PRKG1: variants seen among roughly 807,000 people sequenced by gnomAD.
PRKG1 encodes cGMP-dependent protein kinase 1.
A neutral mutation model predicts 88.1 loss-of-function variants in PRKG1; 35 were observed. The ratio of observed to expected loss-of-function variants is 0.40; its 90% CI spans 0.30 to 0.53. PRKG1 has a LOEUF of 0.53. Ranked by LOEUF, PRKG1 falls within the 20% of genes least tolerant of loss-of-function variation. The pLI, the probability that PRKG1 is intolerant of heterozygous loss-of-function variation, is 0.59. For missense variants in PRKG1, 540 were observed against 839.8 expected (o/e 0.64, Z 4.41); for synonymous variants, 303 against 292.5 (o/e 1.04, Z -0.37).
At chr10:51,604,438 A>AGCC (rs1442819550) in intron 3 of PRKG1, among the ~76,000 whole-genome samples, 1 of 152,206 alleles carries the variant, frequency 6.6e-6, no homozygotes, top group African/African-American at 2.4e-5. Context: ...ACTAATAATT[A>AGCC]TCTATGTATT....
At chr10:52,004,412 G>A (rs1216328039) in intron 5 of PRKG1, among the ~76,000 whole-genome samples, 5 of 152,104 alleles carry the variant, frequency 3.3e-5, no homozygotes, top group African/African-American at 1.2e-4. Context: ...AAGATGATAA[G>A]ACAACACTAA....
At chr10:51,664,622 C>G (rs976928791) in intron 3 of PRKG1, among the ~76,000 whole-genome samples, 3 of 152,064 alleles carry the variant, frequency 2.0e-5, no homozygotes, top group Non-Finnish European at 4.4e-5. Context: ...TCTTAGCAGT[C>G]CAGATACTGA....
chr10:52,012,220 T>G (rs1317879557), intron 5 of PRKG1, among the ~76,000 whole-genome samples: 1 of 151,254 alleles, frequency 6.6e-6, no homozygotes, highest in Non-Finnish European at 1.5e-5. Flanking sequence ...TTTTTTTCCA[T>G]GTTCTTTTTG....
At chr10:51,950,137 A>T (rs778080519) in intron 5 of PRKG1, among the ~76,000 whole-genome samples, 3 of 152,154 alleles carry the variant, frequency 2.0e-5, no homozygotes, top group Non-Finnish European at 4.4e-5. Flanking sequence ...AGTATGTAAG[A>T]CTCTCTAGGC....
chr10:51,478,662 T>G (rs1269260280), intron 3 of PRKG1, among the ~76,000 whole-genome samples: 1 of 113,300 alleles, frequency 8.8e-6, no homozygotes, highest in Non-Finnish European at 1.9e-5. Flanking sequence ...ATCTATCAAT[T>G]TAAGTGCAAT....
At chr10:51,292,025 G>A (rs553683313) in intron 2 of PRKG1, among the ~76,000 whole-genome samples, 4 of 152,048 alleles carry the variant, frequency 2.6e-5, no homozygotes, top group Admixed American at 1.3e-4. Context: ...TGTTAGAGTC[G>A]ATCTCTTTTT....
At chr10:51,601,419 T>C (rs1838596112) in intron 3 of PRKG1, among the ~76,000 whole-genome samples, 1 of 152,188 alleles carries the variant, frequency 6.6e-6, no homozygotes, top group African/African-American at 2.4e-5. Flanking sequence ...ATTCTTTCTA[T>C]GTGTGTTGTT....
intron 2 of PRKG1, among the ~76,000 whole-genome samples, chr10:51,365,309 C>A (rs1455771900): frequency 6.6e-6 from 1 of 151,886 alleles, no homozygotes; most frequent in Non-Finnish European, 1.5e-5. Context: ...CAATCTCTTT[C>A]CATACTGTCA....
chr10:51,122,483 G>T (rs1033992823), intron 1 of PRKG1, among the ~76,000 whole-genome samples: 1 of 152,034 alleles, frequency 6.6e-6, no homozygotes, highest in African/African-American at 2.4e-5. Context: ...AACCCATCTG[G>T]GTTGCCTCTT....
chr10:51,013,289 G>A (rs1192082809), intron 1 of PRKG1, among the ~76,000 whole-genome samples: 1 of 152,202 alleles, frequency 6.6e-6, no homozygotes, highest in African/African-American at 2.4e-5. Flanking sequence ...TGGATGTTGG[G>A]TGTTATCACT....
At chr10:51,912,041 C>T (rs1842229809) in intron 5 of PRKG1, among the ~76,000 whole-genome samples, 1 of 152,168 alleles carries the variant, frequency 6.6e-6, no homozygotes, top group Admixed American at 6.5e-5. Context: ...AGGAAAATAA[C>T]ATCAAGTGAG....
intron 3 of PRKG1, among the ~76,000 whole-genome samples, chr10:51,799,639 A>G (rs1334927921): frequency 6.6e-6 from 1 of 151,926 alleles, no homozygotes; most frequent in Non-Finnish European, 1.5e-5. Context: ...AAGGGCTGTC[A>G]GGGAACTCAG....
chr10:51,815,377 T>G (rs995310213), intron 4 of PRKG1, among the ~76,000 whole-genome samples: 1 of 152,152 alleles, frequency 6.6e-6, no homozygotes, highest in African/African-American at 2.4e-5. Flanking sequence ...ACAAACAAAT[T>G]CAGAGAGAAT....
intron 2 of PRKG1, among the ~76,000 whole-genome samples, chr10:51,287,729 C>T (rs769009012): frequency 6.6e-6 from 1 of 152,090 alleles, no homozygotes; most frequent in Non-Finnish European, 1.5e-5. Flanking sequence ...TTTTGTAGGT[C>T]TGGGCCAGGC....
chr10:52,001,657 G>A (rs1844603178), intron 5 of PRKG1, among the ~76,000 whole-genome samples: 1 of 151,716 alleles, frequency 6.6e-6, no homozygotes, highest in Non-Finnish European at 1.5e-5. Context: ...AGTGTCCTGA[G>A]TAGCAAAAGT....
At chr10:52,117,770 T>G (rs2132604099) in intron 7 of PRKG1, among the ~76,000 whole-genome samples, 1 of 152,230 alleles carries the variant, frequency 6.6e-6, no homozygotes, top group South Asian at 2.1e-4. Flanking sequence ...TTATTTTTTC[T>G]AATGCATGCA....
chr10:51,450,110 C>A (rs1366623300), intron 2 of PRKG1, among the ~76,000 whole-genome samples: 2 of 151,846 alleles, frequency 1.3e-5, no homozygotes, highest in Non-Finnish European at 1.5e-5. Flanking sequence ...AATTAGATTC[C>A]TAAATTAATT....
chr10:51,162,617 A>C (rs1846393668), intron 2 of PRKG1, among the ~76,000 whole-genome samples: 1 of 152,204 alleles, frequency 6.6e-6, no homozygotes, highest in Non-Finnish European at 1.5e-5. Context: ...TATTTGTCTA[A>C]TTCATCCAAC....
intron 2 of PRKG1, among the ~76,000 whole-genome samples, chr10:51,244,308 C>CTTTTTTTT (rs76339310): frequency 2.2e-5 from 3 of 136,676 alleles, no homozygotes; most frequent in African/African-American, 5.3e-5. Flanking sequence ...CCCTTTCTTC[C>CTTTTTTTT]TTTTTTTTTT....
Sources: allele counts gnomAD v4.1 joint callset (sites outside exome capture counted in the v4.1 genomes callset), GRCh38; gene constraint gnomAD v4.1.1; transcripts MANE v1.5; gene names NCBI Gene and HGNC (gene_info 2026-07-23, HGNC 2026-07-21).